The following PDE10A variants were observed in gnomAD, a reference collection of about 807,000 sequenced individuals.
PDE10A encodes phosphodiesterase 10A.
A neutral mutation model predicts 97.7 loss-of-function variants in PDE10A; 39 were observed. The observed-to-expected ratio is 0.40, with a 90% confidence interval of 0.31 to 0.52. The LOEUF is 0.52. Ranked by LOEUF, PDE10A falls within the 20% of genes least tolerant of loss-of-function variation. PDE10A has a pLI of 0.56. For missense variants in PDE10A, 731 were observed against 1,047.8 expected (o/e 0.70, Z 4.17); for synonymous variants, 371 against 376.8 (o/e 0.98, Z 0.18).
chr6:165,609,679 T>C (rs1370159343), intron 1 of PDE10A, among the ~76,000 whole-genome samples: 1 of 152,168 alleles, frequency 6.6e-6, no homozygotes, highest in Non-Finnish European at 1.5e-5. Flanking sequence ...ACAAAATCGA[T>C]GTGCAAAAAT....
chr6:165,619,488 T>G (rs1293359989), intron 1 of PDE10A, among the ~76,000 whole-genome samples: 6 of 148,992 alleles, frequency 4.0e-5, no homozygotes, highest in South Asian at 2.1e-4. Context: ...TCTAGTGTAG[T>G]CTAGTGTAGT....
intron 1 of PDE10A, among the ~76,000 whole-genome samples, chr6:165,612,649 G>A (rs1027788101): frequency 6.6e-6 from 1 of 152,166 alleles, no homozygotes; most frequent in Non-Finnish European, 1.5e-5. Context: ...GATTACCAGC[G>A]TGAGCCACTG....
At chr6:165,672,142 A>G (rs1414999072) in intron 1 of PDE10A, among the ~76,000 whole-genome samples, 1 of 152,270 alleles carries the variant, frequency 6.6e-6, no homozygotes, top group East Asian at 1.9e-4. Context: ...TTGACAGTAA[A>G]GATTTCCACA....
In PDE10A at chr6:165,943,274, GGAAA is replaced by G. The variant is rs1262892585; in HGVS notation, c.-615+44251_-615+44254del. On this transcript the variant is annotated intron_variant, in intron 1 of 19. Coordinates refer to the PDE10A transcript ENST00000366882. ...AGGAAGGAAGGAAGGAAGGAAGGAA[GGAAA>G]GAAAGAAAGAAAGAAGGAAAGAAAG... is the stretch of plus-strand genomic sequence containing the variant. Among the ~76,000 whole-genome samples the G allele has an allele frequency of 7.0e-4, 41 of 58,856 alleles. 4 individuals carry two copies. Among genetic ancestry groups the G allele is most frequent in the East Asian group, 3.4e-3 (10 of 2,920 alleles). 38.6% of individuals were successfully genotyped at this position (58,856 alleles called of 152,430 possible).
intron 1 of PDE10A, chr6:165,775,756 C>CT (rs1449936502): frequency 1.3e-5 from 2 of 152,162 alleles, no homozygotes; most frequent in Non-Finnish European, 2.9e-5. Flanking sequence ...AGCAATTAAT[C>CT]TTTTTTGGTT....
intron 1 of PDE10A, among the ~76,000 whole-genome samples, chr6:165,853,464 C>T (rs1780628022): frequency 6.6e-6 from 1 of 152,170 alleles, no homozygotes. Context: ...CAAAACCATC[C>T]TGGTATGCAG....
intron 2 of PDE10A, among the ~76,000 whole-genome samples, chr6:165,485,763 T>C (rs1779879444): frequency 6.6e-6 from 1 of 151,912 alleles, no homozygotes; most frequent in African/African-American, 2.4e-5. Flanking sequence ...TGACTAATTT[T>C]TTGTATTTTT....
intron 1 of PDE10A, among the ~76,000 whole-genome samples, chr6:165,748,680 G>A (rs1378006019): frequency 2.0e-5 from 3 of 152,230 alleles, no homozygotes; most frequent in Admixed American, 2.0e-4. Context: ...AGGCAAGGAT[G>A]AGGGGCGGTC....
At chr6:165,485,329 A>T (rs1004511179) in intron 2 of PDE10A, among the ~76,000 whole-genome samples, 1 of 151,896 alleles carries the variant, frequency 6.6e-6, no homozygotes, top group African/African-American at 2.4e-5. Context: ...TTAGCCGGGC[A>T]TGGTGGTACA....
In PDE10A at chr6:165,416,184, C is replaced by A. The variant is rs1256434699; in HGVS notation, c.1889+5G>T. 10 of 1,579,794 alleles carry A rather than the reference C, an allele frequency of 6.3e-6. No individual in the cohort carries two copies. The highest frequency in any genetic ancestry group is 1.1e-5 in the South Asian group (1 of 90,352). On this transcript the variant is annotated splice_donor_5th_base_variant and intron_variant, in intron 12 of 21. Coordinates refer to ENST00000539869, the MANE Select transcript of PDE10A (RefSeq NM_001385079.1). ...AATGGAGTGTCGACATCAGCTATTTCTTACCTGTTAAAGCGTGGGTCTGCA... is the reference window on the plus strand; with the variant it reads ...AATGGAGTGTCGACATCAGCTATTTATTACCTGTTAAAGCGTGGGTCTGCA...
At chr6:165,925,266 GAGAAACT>G (rs577226256) in intron 1 of PDE10A, among the ~76,000 whole-genome samples, 137 of 152,302 alleles carry the variant, frequency 9.0e-4, no homozygotes, top group Non-Finnish European at 1.6e-3. Flanking sequence ...GTGGGGTGAA[GAGAAACT>G]AGATCACTCG....
intron 1 of PDE10A, among the ~76,000 whole-genome samples, chr6:165,853,514 C>A (rs2128475199): frequency 6.6e-6 from 1 of 152,270 alleles, no homozygotes; most frequent in South Asian, 2.1e-4. Context: ...TCACGATTTC[C>A]ATTCAGGATA....
Position 165,332,929 on chromosome 6 carries a change from G to A in PDE10A, c.*96C>T. 1.3e-6 allele frequency: 1 copy of A among 743,512 alleles called. No homozygotes were observed. Among genetic ancestry groups the A allele is most frequent in the South Asian group, 1.5e-5 (1 of 67,802 alleles). 46.1% of individuals were successfully genotyped at this position (743,512 alleles called of 1,614,324 possible). A position where few individuals can be genotyped will look rare whatever the true frequency, so the allele number is the denominator to read the frequency against. On this transcript the variant is annotated 3_prime_UTR_variant, in exon 22 of 22. Coordinates refer to ENST00000539869, the MANE Select transcript of PDE10A (RefSeq NM_001385079.1). ...GAGGTTTGCACCCCAGTTACCAGGT[G>A]CAGGTTCCCCCCACCCCCCCCAAAA...
intron 1 of PDE10A, among the ~76,000 whole-genome samples, chr6:165,577,869 G>A (rs554076568): frequency 1.6e-4 from 24 of 152,278 alleles, no homozygotes; most frequent in African/African-American, 5.3e-4. Context: ...GGGAGGGCCC[G>A]AGACCCGAGT....
chr6:165,534,755 T>C (rs1782979163), intron 2 of PDE10A, among the ~76,000 whole-genome samples: 1 of 152,072 alleles, frequency 6.6e-6, no homozygotes, highest in South Asian at 2.1e-4. Flanking sequence ...CATTCCTTTA[T>C]GATAAAAACG....
intron 1 of PDE10A, among the ~76,000 whole-genome samples, chr6:165,567,984 G>T (rs978291454): frequency 7.4e-6 from 1 of 134,374 alleles, no homozygotes; most frequent in Non-Finnish European, 1.6e-5. Context: ...CAATAGGTAC[G>T]CAACAAGGCA....
intron 1 of PDE10A, among the ~76,000 whole-genome samples, chr6:165,552,327 A>G (rs1413095187): frequency 6.6e-6 from 1 of 152,228 alleles, no homozygotes; most frequent in Non-Finnish European, 1.5e-5. Flanking sequence ...CTACTTAGAA[A>G]GGCTGCTTGC....
chr6:165,591,435 G>C (rs1786263328), intron 1 of PDE10A, among the ~76,000 whole-genome samples: 1 of 152,220 alleles, frequency 6.6e-6, no homozygotes, highest in African/African-American at 2.4e-5. Flanking sequence ...TGGCTTTGCT[G>C]TTACTCTGCT....
rs984483530 is a variant in PDE10A at position 165,962,914 on chromosome 6, C to T, written c.-615+24615G>A. Among the ~76,000 whole-genome samples, 5 of 152,186 alleles carry T rather than the reference C, an allele frequency of 3.3e-5. No individual in the cohort carries two copies. In the East Asian group the frequency reaches 9.7e-4, roughly 29 times the overall value. The stretch of plus-strand genomic sequence containing the variant: ...ATTAACCTGTGGCTTAGGTGCCATA[C>T]ATTGAACCTAGTTATTTTATGAGTT... On this transcript the variant is annotated intron_variant, in intron 1 of 19. Transcript: ENST00000366882.
Sources: allele counts gnomAD v4.1 joint callset (sites outside exome capture counted in the v4.1 genomes callset), GRCh38; gene constraint gnomAD v4.1.1; transcripts MANE v1.5; gene names NCBI Gene and HGNC (gene_info 2026-07-23, HGNC 2026-07-21).